Variants in EARS2 observed in about 807,000 individuals in gnomAD.
The protein encoded by EARS2 is glutamyl-tRNA synthetase 2, mitochondrial.
A neutral mutation model predicts 54.1 loss-of-function variants in EARS2; 50 were observed. The ratio of observed to expected loss-of-function variants is 0.92; its 90% CI spans 0.74 to 1.17. EARS2 has a LOEUF of 1.17. Ranked by LOEUF, EARS2 falls within the 50% of genes most tolerant of loss-of-function variation. The pLI is 0.00. For missense variants in EARS2, 673 were observed against 675.0 expected (o/e 1.00, Z 0.03); for synonymous variants, 298 against 281.0 (o/e 1.06, Z -0.61).
In EARS2 at chr16:23,544,499, A is replaced by G; in HGVS notation, c.485+15T>C. The G allele has an allele frequency of 6.2e-7, 1 of 1,609,748 alleles. No individual in the cohort carries two copies. The highest frequency in any genetic ancestry group is 8.5e-7 in the Non-Finnish European group (1 of 1,177,398). On this transcript the variant is annotated intron_variant, in intron 3 of 8. Transcript: ENST00000449606. ...CAATGTTGATGAGGCATCTGCAACA[A>G]GCTGAGGTTCTTACCGGGGCGTCTG...
chr16:23,551,853 G>A (rs867080682), intron 2 of EARS2, among the ~76,000 whole-genome samples: 1 of 152,186 alleles, frequency 6.6e-6, no homozygotes, highest in South Asian at 2.1e-4. Context: ...CCGGAAGGCG[G>A]AGCTTGCAGT....
intron 3 of EARS2, among the ~76,000 whole-genome samples, chr16:23,542,407 T>A (rs1449640651): frequency 7.2e-6 from 1 of 139,338 alleles, no homozygotes; most frequent in Non-Finnish European, 1.5e-5. Context: ...AACCTCCACT[T>A]CCTGGGTTCA....
intron 5 of EARS2, among the ~76,000 whole-genome samples, chr16:23,530,682 C>CA (rs1197429934): frequency 2.6e-5 from 4 of 152,056 alleles, no homozygotes; most frequent in Non-Finnish European, 5.9e-5. Context: ...AACCTAGCAA[C>CA]ATGGTAAGAT....
At chr16:23,528,044 C>T (rs376101565) in intron 7 of EARS2, among the ~76,000 whole-genome samples, 5 of 152,246 alleles carry the variant, frequency 3.3e-5, no homozygotes, top group African/African-American at 9.6e-5. Context: ...GAGAGTCCCT[C>T]GTCCCTCCAC....
chr16:23,542,276 T>C (rs183690387), intron 3 of EARS2, among the ~76,000 whole-genome samples: 171 of 150,772 alleles, frequency 1.1e-3, no homozygotes, highest in Non-Finnish European at 1.7e-3. Flanking sequence ...ATTACAGACG[T>C]GAGCCACCAT....
At position 23,524,389 on chromosome 16, in the gene EARS2, C is replaced by G; in HGVS notation, c.1554G>C (p.Gln518His). 1 of 1,614,180 alleles carries G rather than the reference C, an allele frequency of 6.2e-7. No individual in the cohort carries two copies. The highest frequency in any genetic ancestry group is 8.5e-7 in the Non-Finnish European group (1 of 1,180,014). ...CCTCTCCCTAGCTGGAAACCACCTTCTGGATCCGTTCCCGTACTTCCTTTG... is the reference window on the plus strand; with the variant it reads ...CCTCTCCCTAGCTGGAAACCACCTTGTGGATCCGTTCCCGTACTTCCTTTG... ...LGPKEVRERI[Q>H]KVVSS is the part of the protein sequence containing the mutation. The change falls in exon 9 of 9, where the codon CAG (glutamine) becomes CAC (histidine). Residue 518 changes from glutamine to histidine, a missense_variant. Coordinates refer to ENST00000449606, the MANE Select transcript of EARS2 (RefSeq NM_001083614.2).
At chr16:23,530,446 C>A (rs751134641) in intron 5 of EARS2, among the ~76,000 whole-genome samples, 1 of 152,214 alleles carries the variant, frequency 6.6e-6, no homozygotes, top group Middle Eastern at 3.4e-3. Context: ...TAGTAGCTGA[C>A]CTTTTATTTT....
chr16:23,539,312 G>A (rs1215885770), intron 3 of EARS2, among the ~76,000 whole-genome samples: 1 of 152,100 alleles, frequency 6.6e-6, no homozygotes, highest in Non-Finnish European at 1.5e-5. Flanking sequence ...ATTGCATTGA[G>A]TTTATAAACT....
chr16:23,536,160 T>C (rs1030804088), intron 3 of EARS2, among the ~76,000 whole-genome samples: 1 of 152,216 alleles, frequency 6.6e-6, no homozygotes, highest in African/African-American at 2.4e-5. Context: ...GAACATTAAC[T>C]AGGTCCCCAG....
chr16:23,544,501 C>G lies in EARS2; in HGVS notation c.485+13G>C. On this transcript the variant is annotated intron_variant, in intron 3 of 8. Transcript: ENST00000449606. ...ATGTTGATGAGGCATCTGCAACAAGCTGAGGTTCTTACCGGGGCGTCTGGT... is the reference window on the plus strand; with the variant it reads ...ATGTTGATGAGGCATCTGCAACAAGGTGAGGTTCTTACCGGGGCGTCTGGT... 3 of 1,610,340 alleles carry G rather than the reference C, an allele frequency of 1.9e-6. No individual in the cohort carries two copies. The highest frequency in any genetic ancestry group is 2.5e-6 in the Non-Finnish European group (3 of 1,177,782).
chr16:23,527,323 G>A (rs747398129), intron 7 of EARS2, among the ~76,000 whole-genome samples: 3 of 152,134 alleles, frequency 2.0e-5, no homozygotes, highest in Non-Finnish European at 2.9e-5. Context: ...AACTGGGGCT[G>A]GACATCTTTC....
intron 3 of EARS2, among the ~76,000 whole-genome samples, chr16:23,537,797 T>C (rs544665574): frequency 6.7e-6 from 1 of 149,176 alleles, no homozygotes; most frequent in African/African-American, 2.4e-5. Context: ...TTTCTTTCTT[T>C]TTTTTTTTTT....
chr16:23,536,643 C>T (rs1356920155), intron 3 of EARS2, among the ~76,000 whole-genome samples: 1 of 149,770 alleles, frequency 6.7e-6, no homozygotes, highest in Non-Finnish European at 1.5e-5. Context: ...GCCTGGGTGA[C>T]ACAGCGAGAC....
In EARS2 at chr16:23,523,003, T is replaced by C. The variant is rs1965165097; in HGVS notation, c.*1368A>G. ...ACCTGGAAGCTGGCTTCCCCCAAAG[T>C]AAGCGATCAAAGAAAACAAGACAGA... On this transcript the variant is annotated 3_prime_UTR_variant, in exon 9 of 9. Transcript: ENST00000449606. 1 of 152,214 alleles carries C rather than the reference T, an allele frequency of 6.6e-6. No homozygotes were observed. 9.4% of individuals were successfully genotyped at this position (152,214 alleles called of 1,614,324 possible). A position where few individuals can be genotyped will look rare whatever the true frequency, so the allele number is the denominator to read the frequency against.
chr16:23,555,631 G>A (rs1965763752), intron 1 of EARS2, among the ~76,000 whole-genome samples: 1 of 152,234 alleles, frequency 6.6e-6, no homozygotes. Context: ...TCCAGTGCTG[G>A]TCTGAAAACA....
Position 23,551,833 on chromosome 16 carries a change from T to C in EARS2, c.295+316A>G, listed in dbSNP as rs1965700646. On this transcript the variant is annotated intron_variant, in intron 2 of 8. Transcript: ENST00000449606. Reference sequence around the variant, plus strand: ...CTACTTGGAGGCTGAGGCAGAAGAATGGCGTGAACCCGGAAGGCGGAGCTT... The same window carrying C: ...CTACTTGGAGGCTGAGGCAGAAGAACGGCGTGAACCCGGAAGGCGGAGCTT... Among the ~76,000 whole-genome samples the C allele has an allele frequency of 1.3e-5, 2 of 152,088 alleles. 1 individual carries two copies. The highest frequency in any genetic ancestry group is 4.1e-4 in the South Asian group (2 of 4,826).
At position 23,522,749 on chromosome 16, in the gene EARS2, C is replaced by G. The variant is rs1390463509; in HGVS notation, c.*1622G>C. On this transcript the variant is annotated 3_prime_UTR_variant, in exon 9 of 9. Transcript: ENST00000449606. ...GCTTTAAACAATAAACGTTTACTAT[C>G]TCACAGTTCATGTGTGTCTGACGTT... 3 of 152,222 alleles carry G rather than the reference C, an allele frequency of 2.0e-5. No homozygotes were observed. Among genetic ancestry groups the G allele is most frequent in the African/African-American group, 4.8e-5 (2 of 41,450 alleles). 9.4% of individuals were successfully genotyped at this position (152,222 alleles called of 1,614,324 possible). A position where few individuals can be genotyped will look rare whatever the true frequency, so the allele number is the denominator to read the frequency against.
At chr16:23,544,269 G>C (rs1006018164) in intron 3 of EARS2, among the ~76,000 whole-genome samples, 1 of 152,180 alleles carries the variant, frequency 6.6e-6, no homozygotes, top group African/African-American at 2.4e-5. Context: ...ATAGCCTTCT[G>C]AGAGGAGATG....
rs1407092032 is a variant in EARS2, at chr16:23,524,160, G to C, written c.*211C>G. The C allele has an allele frequency of 1.7e-6, 1 of 599,046 alleles. No individual in the cohort carries two copies. The highest frequency in any genetic ancestry group is 3.0e-6 in the Non-Finnish European group (1 of 335,438). The allele number at this position is 599,046 out of a possible 1,614,324, so 37.1% of individuals were successfully genotyped here. A position where few individuals can be genotyped will look rare whatever the true frequency, so the allele number is the denominator to read the frequency against. ...CGGAGAATGCCTTTCCAGAGTCCAG[G>C]AGGTTAGATGGGTTGGGCTTCCCCA... On this transcript the variant is annotated 3_prime_UTR_variant, in exon 9 of 9. Transcript: ENST00000449606.
Sources: gnomAD v4.1 joint callset for allele counts (sites outside exome capture counted in the v4.1 genomes callset) on GRCh38, gnomAD v4.1.1 for gene constraint, MANE v1.5 for transcripts, NCBI Gene and HGNC (gene_info 2026-07-23, HGNC 2026-07-21) for gene names.